The following DTWD2 variants were observed in gnomAD, a reference collection of about 807,000 sequenced individuals.
DTWD2 encodes the protein DTW motif tRNA-uridine aminocarboxypropyltransferase 2.
A neutral mutation model predicts 31.8 loss-of-function variants in DTWD2; 39 were observed. That is an observed-to-expected ratio of 1.22 (90% CI 0.95 to 1.60). The LOEUF (loss-of-function observed/expected upper bound fraction) is 1.60. Ranked by LOEUF, DTWD2 falls within the 40% of genes most tolerant of loss-of-function variation. The pLI, the probability that DTWD2 is intolerant of heterozygous loss-of-function variation, is 0.00. For missense variants in DTWD2, 515 were observed against 381.5 expected (o/e 1.35, Z -2.92); for synonymous variants, 180 against 142.8 (o/e 1.26, Z -1.86).
chr5:118,894,040 CAAA>C (rs201404024), intron 4 of DTWD2, among the ~76,000 whole-genome samples: 9 of 96,820 alleles, frequency 9.3e-5, no homozygotes, highest in Admixed American at 1.1e-4. Context: ...GACTCTGTCT[CAAA>C]AAAAAAAAAA....
At chr5:118,922,077 C>A (rs1284780178) in intron 4 of DTWD2, among the ~76,000 whole-genome samples, 1 of 152,210 alleles carries the variant, frequency 6.6e-6, no homozygotes, top group African/African-American at 2.4e-5. Flanking sequence ...CCAGGAGCCT[C>A]TACAAACATT....
intron 4 of DTWD2, among the ~76,000 whole-genome samples, chr5:118,920,075 C>G (rs890707571): frequency 6.6e-6 from 1 of 151,996 alleles, no homozygotes; most frequent in Non-Finnish European, 1.5e-5. Context: ...ACCCCACCTC[C>G]AGTCCATGAA....
At chr5:118,906,500 G>A (rs1461618907) in intron 4 of DTWD2, among the ~76,000 whole-genome samples, 1 of 152,068 alleles carries the variant, frequency 6.6e-6, no homozygotes, top group African/African-American at 2.4e-5. Context: ...GCAAACAATG[G>A]AATACCATTA....
At position 118,913,996 on chromosome 5, in the gene DTWD2, T is replaced by C. The variant is rs117136326; in HGVS notation, c.597+14541A>G. 4.2e-3 allele frequency among the ~76,000 whole-genome samples: 637 copies of C among 152,226 alleles called. 8 individuals carry two copies. The highest frequency in any genetic ancestry group is 0.03 in the East Asian group (154 of 5,188). ...TAAATATAAATAAAATAAATTAATA[T>C]GTATTAATGCATGACCTTTTCTTTG... On this transcript the variant is annotated intron_variant, in intron 4 of 5. Transcript: ENST00000510708.
rs1338545938 is a variant in DTWD2, at chr5:118,840,329, C to G, written c.*588G>C. On this transcript the variant is annotated 3_prime_UTR_variant, in exon 6 of 6. Transcript: ENST00000510708. ...ATGTGTGCTATTTCAAAATTACATGCACCTCTTTAAAAATCAGGGCAATTA... is the reference window on the plus strand; with the variant it reads ...ATGTGTGCTATTTCAAAATTACATGGACCTCTTTAAAAATCAGGGCAATTA... 1 of 152,146 alleles carries G rather than the reference C, an allele frequency of 6.6e-6. No individual in the cohort carries two copies. Among genetic ancestry groups the G allele is most frequent in the Non-Finnish European group, 1.5e-5 (1 of 68,006 alleles). 9.4% of individuals were successfully genotyped at this position (152,146 alleles called of 1,614,324 possible). A position where few individuals can be genotyped will look rare whatever the true frequency, so the allele number is the denominator to read the frequency against.
chr5:118,942,565 T>C (rs1455143417), intron 2 of DTWD2, among the ~76,000 whole-genome samples: 1 of 150,244 alleles, frequency 6.7e-6, no homozygotes, highest in East Asian at 1.9e-4. Flanking sequence ...ATCCTAGCAC[T>C]GTGGGAGGCT....
intron 1 of DTWD2, among the ~76,000 whole-genome samples, chr5:118,958,711 C>G (rs1754644921): frequency 6.6e-6 from 1 of 151,868 alleles, no homozygotes; most frequent in African/African-American, 2.4e-5. Context: ...AAAAAATTAG[C>G]AAACCGAATC....
At chr5:118,896,464 T>C (rs1244557501) in intron 4 of DTWD2, among the ~76,000 whole-genome samples, 1 of 125,268 alleles carries the variant, frequency 8.0e-6, no homozygotes, top group African/African-American at 4.5e-5. Flanking sequence ...CTGAGGAGGA[T>C]AGAAAAAAAA....
At chr5:118,905,518 A>G (rs1023689718) in intron 4 of DTWD2, among the ~76,000 whole-genome samples, 7 of 152,146 alleles carry the variant, frequency 4.6e-5, no homozygotes, top group Admixed American at 1.3e-4. Context: ...CTATTTTCTA[A>G]GATAAAACAG....
intron 5 of DTWD2, among the ~76,000 whole-genome samples, chr5:118,844,522 T>C (rs992496693): frequency 1.3e-5 from 2 of 152,330 alleles, no homozygotes; most frequent in East Asian, 3.9e-4. Context: ...AGTGCCTGTG[T>C]TGACAACTGT....
At position 118,840,928 on chromosome 5, in the gene DTWD2, C is replaced by A. The variant is rs1751697318; in HGVS notation, c.886G>T (p.Val296Phe). The A allele has an allele frequency of 6.2e-7, 1 of 1,613,042 alleles. No individual in the cohort carries two copies. Among genetic ancestry groups the A allele is most frequent in the African/African-American group, 1.3e-5 (1 of 74,856 alleles). Residue 296 changes from valine (V) to phenylalanine (F), a missense_variant, in exon 6 of 6, where the codon GTT becomes TTT. By Grantham distance (50) the Val-to-Phe change is conservative (BLOSUM62 -1). Coordinates refer to ENST00000510708, the MANE Select transcript of DTWD2 (RefSeq NM_173666.4). The part of the protein sequence containing the change: ...LRKMELLMNS[V>F]KI ...AAAGAATAACTGTACTAAATTTTAA[C>A]ACTATTCATTAACAATTCCATTTTC...
intron 3 of DTWD2, among the ~76,000 whole-genome samples, chr5:118,929,021 A>G (rs1465935204): frequency 6.6e-6 from 1 of 152,178 alleles, no homozygotes; most frequent in Non-Finnish European, 1.5e-5. Flanking sequence ...CCTTCCAAAG[A>G]ATTCTTCCTT....
At chr5:118,868,662 ACT>A (rs952561687) in intron 4 of DTWD2, among the ~76,000 whole-genome samples, 3 of 151,898 alleles carry the variant, frequency 2.0e-5, no homozygotes, top group African/African-American at 7.3e-5. Context: ...AGACAGTGAG[ACT>A]CTGTCTCTAC....
intron 4 of DTWD2, among the ~76,000 whole-genome samples, chr5:118,892,677 G>A (rs765891546): frequency 6.6e-6 from 1 of 152,022 alleles, no homozygotes; most frequent in Non-Finnish European, 1.5e-5. Flanking sequence ...AAAGGCTGCT[G>A]GGAAATACAC....
intron 1 of DTWD2, among the ~76,000 whole-genome samples, chr5:118,949,691 A>G (rs886497345): frequency 2.0e-5 from 3 of 152,138 alleles, no homozygotes; most frequent in Non-Finnish European, 4.4e-5. Flanking sequence ...TAAGGGGTGC[A>G]TGATCATTCG....
intron 1 of DTWD2, among the ~76,000 whole-genome samples, chr5:118,985,440 C>T (rs1002675390): frequency 2.1e-5 from 3 of 142,206 alleles, no homozygotes; most frequent in African/African-American, 7.6e-5. Flanking sequence ...AAGAAAGAAG[C>T]TGATAGTATA....
chr5:118,956,274 T>C (rs1011566903), intron 1 of DTWD2, among the ~76,000 whole-genome samples: 4 of 152,382 alleles, frequency 2.6e-5, no homozygotes, highest in Non-Finnish European at 4.4e-5. Flanking sequence ...TCGGGGTTTA[T>C]CTTCTTTAAA....
chr5:118,877,426 C>G (rs1000353500), intron 4 of DTWD2, among the ~76,000 whole-genome samples: 2 of 151,898 alleles, frequency 1.3e-5, no homozygotes, highest in African/African-American at 4.8e-5. Context: ...GAGCGGAGAT[C>G]ACACCACTGC....
chr5:118,965,389 GC>G (rs1561474280), intron 1 of DTWD2, among the ~76,000 whole-genome samples: 3 of 151,932 alleles, frequency 2.0e-5, no homozygotes, highest in African/African-American at 7.3e-5. Flanking sequence ...GAAGTGAGGA[GC>G]CCCTCTGCCC....
Sources: allele counts gnomAD v4.1 joint callset (sites outside exome capture counted in the v4.1 genomes callset), GRCh38; gene constraint gnomAD v4.1.1; transcripts MANE v1.5; gene names NCBI Gene and HGNC (gene_info 2026-07-23, HGNC 2026-07-21).